Variants in LRBA observed in about 807,000 individuals in gnomAD.
The protein encoded by LRBA is LPS responsive beige-like anchor protein.
A neutral mutation model predicts 330.0 loss-of-function variants in LRBA; 176 were observed. The ratio of observed to expected loss-of-function variants is 0.53; its 90% CI spans 0.47 to 0.60. LRBA has a LOEUF of 0.60. LRBA is among the 20% of genes least tolerant of loss of function. LRBA has a pLI of 0.00. For missense variants in LRBA, 3,259 were observed against 3,444.8 expected (o/e 0.95, Z 1.35); for synonymous variants, 1,230 against 1,193.0 (o/e 1.03, Z -0.64).
At chr4:150,393,904 T>G (rs985676102) in intron 47 of LRBA, among the ~76,000 whole-genome samples, 3 of 152,224 alleles carry the variant, frequency 2.0e-5, no homozygotes, top group Non-Finnish European at 4.4e-5. Flanking sequence ...ACTTTATAAT[T>G]GCAGACACTT....
At chr4:150,830,802 A>G (rs181108135) in intron 29 of LRBA, among the ~76,000 whole-genome samples, 74 of 128,398 alleles carry the variant, frequency 5.8e-4, no homozygotes, top group African/African-American at 2.0e-3. Context: ...TCACTCTGTC[A>G]CCCAGGCTGG....
chr4:150,341,966 A>C lies in LRBA; in HGVS notation c.7362+8026T>G, dbSNP rs1735637928. ...GATTATACTTTAAATATATTAATTTAAGGAAAATACTTATGTTAAATCTTT... is the reference window on the plus strand; with the variant it reads ...GATTATACTTTAAATATATTAATTTCAGGAAAATACTTATGTTAAATCTTT... On this transcript the variant is annotated intron_variant, in intron 48 of 56. Transcript: ENST00000651943. 2.0e-5 allele frequency among the ~76,000 whole-genome samples: 3 copies of C among 151,530 alleles called. No individual in the cohort carries two copies. The South Asian group carries it at 6.2e-4, about 31-fold the overall frequency.
At chr4:150,593,573 T>C (rs1773147913) in intron 38 of LRBA, among the ~76,000 whole-genome samples, 1 of 152,228 alleles carries the variant, frequency 6.6e-6, no homozygotes, top group African/African-American at 2.4e-5. Flanking sequence ...ACTGTTCAAA[T>C]ATGAATGTGT....
intron 35 of LRBA, among the ~76,000 whole-genome samples, chr4:150,748,581 C>T (rs186329177): frequency 2.6e-5 from 4 of 151,534 alleles, no homozygotes; most frequent in East Asian, 3.9e-4. Flanking sequence ...GCAGGAGAAT[C>T]GCTTGAACCT....
chr4:150,413,937 T>C (rs1021931041), intron 47 of LRBA, among the ~76,000 whole-genome samples: 6 of 124,746 alleles, frequency 4.8e-5, no homozygotes, highest in Non-Finnish European at 1.0e-4. Flanking sequence ...TTCAGTATCT[T>C]TCAGAGCAAG....
intron 2 of LRBA, among the ~76,000 whole-genome samples, chr4:151,007,822 A>C (rs1371746385): frequency 6.8e-6 from 1 of 147,432 alleles, no homozygotes; most frequent in East Asian, 2.0e-4. Context: ...GCACCACTGC[A>C]CTCCAGCTTG....
At chr4:150,371,934 T>C (rs10520063) in intron 47 of LRBA, among the ~76,000 whole-genome samples, 123,255 of 152,118 alleles carry the variant, frequency 0.81, 51,132 homozygotes, top group Non-Finnish European at 0.92. Flanking sequence ...GTCCTATTCC[T>C]TGTCATCATT....
chr4:150,897,849 G>A, intron 14 of LRBA, 31 bp from the exon 15 acceptor site: 1 of 1,394,014 alleles, frequency 7.2e-7, no homozygotes, highest in Non-Finnish European at 1.0e-6. Flanking sequence ...TACACATTTA[G>A]TATTTAAAGG....
chr4:150,834,284 C>T (rs933459285), intron 28 of LRBA, among the ~76,000 whole-genome samples: 1 of 152,130 alleles, frequency 6.6e-6, no homozygotes, highest in Non-Finnish European at 1.5e-5. Flanking sequence ...ATTTACTTTG[C>T]CCAGATCCAT....
chr4:150,289,937 G>A (rs1224952348), intron 53 of LRBA, among the ~76,000 whole-genome samples: 2 of 152,262 alleles, frequency 1.3e-5, no homozygotes, highest in Non-Finnish European at 1.5e-5. Flanking sequence ...GGGGATAATC[G>A]GAGGCAGAGC....
intron 36 of LRBA, among the ~76,000 whole-genome samples, chr4:150,725,587 G>C (rs1362076475): frequency 6.6e-6 from 1 of 152,148 alleles, no homozygotes; most frequent in Non-Finnish European, 1.5e-5. Context: ...AAATGCTAAA[G>C]GGAGCTCTAC....
In LRBA at chr4:150,358,706, C is replaced by T. The variant is rs991322939; in HGVS notation, c.7195-8547G>A. ...AAATGAATGTTTCCTCTTCAGCAGCCATCACAAAATGTATTAATTTACTGT... is the reference window on the plus strand; with the variant it reads ...AAATGAATGTTTCCTCTTCAGCAGCTATCACAAAATGTATTAATTTACTGT... On this transcript the variant is annotated intron_variant, in intron 47 of 56. Transcript: ENST00000651943. Among the ~76,000 whole-genome samples, 6 of 151,996 alleles carry T rather than the reference C, an allele frequency of 3.9e-5. No individual in the cohort carries two copies. The East Asian group carries it at 1.2e-3, about 29-fold the overall frequency.
At chr4:150,488,289 A>G (rs1350989523) in intron 41 of LRBA, among the ~76,000 whole-genome samples, 2 of 151,728 alleles carry the variant, frequency 1.3e-5, no homozygotes, top group Non-Finnish European at 3.0e-5. Flanking sequence ...AAAACAACCA[A>G]TATAGCTATG....
At chr4:150,833,617 A>C (rs1471070301) in intron 28 of LRBA, among the ~76,000 whole-genome samples, 1 of 152,212 alleles carries the variant, frequency 6.6e-6, no homozygotes, top group African/African-American at 2.4e-5. Context: ...ATTTAAAAAT[A>C]TTTTATAGCT....
At chr4:150,737,411 G>A (rs142444487) in intron 35 of LRBA, among the ~76,000 whole-genome samples, 4,223 of 152,154 alleles carry the variant, frequency 0.028, 181 homozygotes, top group African/African-American at 0.096. Context: ...AGTGAGCCCA[G>A]ATTGCACCAT....
intron 2 of LRBA, among the ~76,000 whole-genome samples, chr4:150,993,566 A>C (rs1742326525): frequency 6.6e-6 from 1 of 152,206 alleles, no homozygotes; most frequent in African/African-American, 2.4e-5. Context: ...CTATTGATAA[A>C]GACATACAAA....
chr4:150,817,313 T>A, intron 30 of LRBA, 56 bp from the exon 31 acceptor site: 2 of 1,508,148 alleles, frequency 1.3e-6, no homozygotes, highest in Non-Finnish European at 1.8e-6. Context: ...TTGAATTAAT[T>A]ACATGAATTT....
At chr4:150,944,201 AC>A (rs1735993702) in intron 2 of LRBA, among the ~76,000 whole-genome samples, 1 of 152,242 alleles carries the variant, frequency 6.6e-6, no homozygotes, top group South Asian at 2.1e-4. Flanking sequence ...ACTGTTTTAC[AC>A]TGTAAGGTTT....
chr4:150,361,652 T>TC (rs1253208628), intron 47 of LRBA, among the ~76,000 whole-genome samples: 7 of 152,270 alleles, frequency 4.6e-5, no homozygotes, highest in Admixed American at 4.6e-4. Flanking sequence ...CAAGATTCAG[T>TC]CCCAGGCCCT....
Sources: allele counts gnomAD v4.1 joint callset (sites outside exome capture counted in the v4.1 genomes callset), GRCh38; gene constraint gnomAD v4.1.1; transcripts MANE v1.5; gene names NCBI Gene and HGNC (gene_info 2026-07-23, HGNC 2026-07-21).